CSMD1: variants seen among roughly 807,000 people sequenced by gnomAD.
CSMD1 encodes CUB and sushi domain-containing protein 1.
Under a neutral mutation model 417.5 loss-of-function variants are expected in CSMD1, and 213 were observed. That is an observed-to-expected ratio of 0.51 (90% confidence interval 0.46 to 0.57). The LOEUF is 0.57. Ranked by LOEUF, CSMD1 falls within the 20% of genes least tolerant of loss-of-function variation. The pLI, the probability that CSMD1 is intolerant of heterozygous loss-of-function variation, is 0.00. For missense variants in CSMD1, 6,923 were observed against 4,529.7 expected (o/e 1.53, Z -15.17); for synonymous variants, 2,862 against 1,736.8 (o/e 1.65, Z -16.11).
rs11986448 is a variant in CSMD1, at chr8:3,032,297, G to C, written c.7661-2784C>G. Among the ~76,000 whole-genome samples, 1,356 of 151,986 alleles carry C rather than the reference G, an allele frequency of 8.9e-3. 26 individuals are homozygous for C. Among genetic ancestry groups the C allele is most frequent in the African/African-American group, 0.031 (1,280 of 41,480 alleles). On this transcript the variant is annotated intron_variant, in intron 50 of 69. Coordinates refer to ENST00000635120, the MANE Select transcript of CSMD1 (RefSeq NM_033225.6). ...GTTTGAATACTCTGTGACGTAATTTGGGAGGAGAAATCCCAAATAATATAA... is the reference window on the plus strand; with the variant it reads ...GTTTGAATACTCTGTGACGTAATTTCGGAGGAGAAATCCCAAATAATATAA...
intron 1 of CSMD1, among the ~76,000 whole-genome samples, chr8:4,786,643 G>C (rs957570294): frequency 2.0e-5 from 3 of 152,182 alleles, no homozygotes; most frequent in African/African-American, 7.2e-5. Context: ...ATCTGAGCCT[G>C]AATCCAATCT....
chr8:4,679,708 T>C (rs1242666534), intron 1 of CSMD1, among the ~76,000 whole-genome samples: 1 of 152,184 alleles, frequency 6.6e-6, no homozygotes, highest in Non-Finnish European at 1.5e-5. Flanking sequence ...CTCAGTGGAT[T>C]TTTGCTGGAT....
At chr8:4,657,912 A>G (rs73509064) in intron 1 of CSMD1, among the ~76,000 whole-genome samples, 6,048 of 152,182 alleles carry the variant, frequency 0.04, 408 homozygotes, top group African/African-American at 0.14. Flanking sequence ...AAAAATACAA[A>G]TACTGAAGAT....
chr8:4,546,697 G>C (rs1246338070), intron 2 of CSMD1, among the ~76,000 whole-genome samples: 1 of 152,074 alleles, frequency 6.6e-6, no homozygotes, highest in Non-Finnish European at 1.5e-5. Context: ...CAGATCATGA[G>C]ACGTCTCCGC....
At chr8:3,258,940 G>C (rs533469996) in intron 26 of CSMD1, among the ~76,000 whole-genome samples, 1 of 152,150 alleles carries the variant, frequency 6.6e-6, no homozygotes, top group Admixed American at 6.5e-5. Flanking sequence ...GCGGTCTCCC[G>C]GATGGTGGAA....
chr8:3,477,203 G>C (rs896279838), intron 11 of CSMD1, among the ~76,000 whole-genome samples: 4 of 152,152 alleles, frequency 2.6e-5, no homozygotes, highest in African/African-American at 9.7e-5. Context: ...TGTAGCACCT[G>C]CAATATGAGA....
rs371699913 is a variant in CSMD1 at position 3,256,245 on chromosome 8, T to C, written c.4154-26014A>G. Among the ~76,000 whole-genome samples, 4 of 148,474 alleles carry C rather than the reference T, an allele frequency of 2.7e-5. No homozygotes were observed. In the East Asian group the frequency reaches 8.0e-4, roughly 30 times the overall value. On this transcript the variant is annotated intron_variant, in intron 26 of 69. Transcript: ENST00000635120. ...AGGGGGCTGAGGCAGGAGAATTGCT[T>C]GAACCTGGGAGGCAGAGGTTTCAGT...
At position 4,780,143 on chromosome 8, in the gene CSMD1, A is replaced by T. The variant is rs544981804; in HGVS notation, c.86-142585T>A. Reference sequence around the variant, plus strand: ...TTTACTACAGTCACAGACTTGTGCCATAATTGGCCAGACCTTCAGCATCTT... The same window carrying T: ...TTTACTACAGTCACAGACTTGTGCCTTAATTGGCCAGACCTTCAGCATCTT... On this transcript the variant is annotated intron_variant, in intron 1 of 69. Transcript: ENST00000635120. Among the ~76,000 whole-genome samples, 89 of 152,308 alleles carry T rather than the reference A, an allele frequency of 5.8e-4. 2 individuals are homozygous for T. In the South Asian group the frequency reaches 7.5e-3, roughly 13 times the overall value.
intron 17 of CSMD1, among the ~76,000 whole-genome samples, chr8:3,388,637 T>C (rs1191792954): frequency 6.6e-6 from 1 of 152,246 alleles, no homozygotes. Flanking sequence ...ATTTGAGTGC[T>C]ATAACTTGGG....
chr8:4,819,752 G>A (rs1563489597), intron 1 of CSMD1, among the ~76,000 whole-genome samples: 2 of 152,064 alleles, frequency 1.3e-5, no homozygotes. Context: ...CATGTAGAGA[G>A]GGACCTGGCT....
At chr8:3,591,853 T>C (rs1277654129) in intron 8 of CSMD1, among the ~76,000 whole-genome samples, 3 of 151,978 alleles carry the variant, frequency 2.0e-5, no homozygotes, top group East Asian at 3.9e-4. Context: ...ATTAGATAGA[T>C]AAATAGATGA....
rs570479668 is a variant in CSMD1 at position 4,033,258 on chromosome 8, G to A, written c.416-1159C>T. 1.3e-4 allele frequency among the ~76,000 whole-genome samples: 19 copies of A among 151,596 alleles called. No individual in the cohort carries two copies. In the South Asian group the frequency reaches 2.9e-3, roughly 23 times the overall value. On this transcript the variant is annotated intron_variant, in intron 3 of 69. Coordinates refer to ENST00000635120, the MANE Select transcript of CSMD1 (RefSeq NM_033225.6). ...GATCGAGACCATCCTGGCTAACACGGTGAAACCCTGTCTCTACTAAAAATA... is the reference window on the plus strand; with the variant it reads ...GATCGAGACCATCCTGGCTAACACGATGAAACCCTGTCTCTACTAAAAATA...
chr8:3,004,700 C>T (rs1807720998), intron 52 of CSMD1, among the ~76,000 whole-genome samples: 1 of 152,132 alleles, frequency 6.6e-6, no homozygotes, highest in Non-Finnish European at 1.5e-5. Flanking sequence ...TCATTTTCTC[C>T]ATGCTGAGAA....
chr8:4,103,023 T>C (rs920256542), intron 3 of CSMD1, among the ~76,000 whole-genome samples: 1 of 152,158 alleles, frequency 6.6e-6, no homozygotes, highest in African/African-American at 2.4e-5. Context: ...CTCTTTGACA[T>C]TGTGAGTTGA....
chr8:3,983,618 T>C (rs989020750), intron 5 of CSMD1, among the ~76,000 whole-genome samples: 3 of 152,350 alleles, frequency 2.0e-5, no homozygotes, highest in Admixed American at 2.0e-4. Flanking sequence ...TTTATCAAAC[T>C]GTATTTTTCA....
intron 63 of CSMD1, among the ~76,000 whole-genome samples, chr8:2,956,312 T>C (rs991778475): frequency 6.6e-6 from 1 of 152,062 alleles, no homozygotes; most frequent in African/African-American, 2.4e-5. Flanking sequence ...CTTTGAAATA[T>C]AATTTAGGAA....
At chr8:4,403,129 C>A (rs911412573) in intron 3 of CSMD1, among the ~76,000 whole-genome samples, 54 of 151,928 alleles carry the variant, frequency 3.6e-4, no homozygotes, top group African/African-American at 1.0e-3. Flanking sequence ...CTGCCCCCGG[C>A]CAAAATGTCC....
intron 5 of CSMD1, among the ~76,000 whole-genome samples, chr8:3,761,401 C>T (rs757913840): frequency 1.3e-4 from 20 of 151,492 alleles, no homozygotes; most frequent in Non-Finnish European, 2.6e-4. Context: ...GGAAAAACAA[C>T]CAACTATGAA....
intron 10 of CSMD1, among the ~76,000 whole-genome samples, chr8:3,505,138 G>A (rs1796770435): frequency 6.6e-6 from 1 of 152,108 alleles, no homozygotes; most frequent in South Asian, 2.1e-4. Flanking sequence ...GTAAATTATT[G>A]AAATCTGCCC....
Sources: gnomAD v4.1 joint callset for allele counts (sites outside exome capture counted in the v4.1 genomes callset) on GRCh38, gnomAD v4.1.1 for gene constraint, MANE v1.5 for transcripts, NCBI Gene and HGNC (gene_info 2026-07-23, HGNC 2026-07-21) for gene names.